GABRG3: variants seen among roughly 807,000 people sequenced by gnomAD.
GABRG3 encodes gamma-aminobutyric acid receptor subunit gamma-3.
Under a neutral mutation model 48.8 loss-of-function variants are expected in GABRG3, and 25 were observed. The ratio of observed to expected loss-of-function variants is 0.51; its 90% CI spans 0.37 to 0.72. The LOEUF is 0.72. GABRG3 is among the 30% of genes least tolerant of loss of function. The pLI is 0.00. For missense variants in GABRG3, 394 were observed against 577.9 expected (o/e 0.68, Z 3.26); for synonymous variants, 227 against 217.6 (o/e 1.04, Z -0.38).
At chr15:27,260,416 C>T (rs912615481) in intron 3 of GABRG3, among the ~76,000 whole-genome samples, 8 of 152,160 alleles carry the variant, frequency 5.3e-5, no homozygotes, top group East Asian at 3.9e-4. Context: ...AGGACTTCAG[C>T]GTATGAATTT....
At chr15:27,258,552 G>T (rs1469426307) in intron 3 of GABRG3, among the ~76,000 whole-genome samples, 1 of 152,074 alleles carries the variant, frequency 6.6e-6, no homozygotes, top group East Asian at 1.9e-4. Flanking sequence ...CCTTTGGCTT[G>T]CTCTGAGACC....
chr15:27,206,705 A>G (rs192988271), intron 3 of GABRG3, among the ~76,000 whole-genome samples: 221 of 152,276 alleles, frequency 1.5e-3, no homozygotes, highest in African/African-American at 5.0e-3. Context: ...ATTAGTCTCT[A>G]CAAACTTGTT....
chr15:27,031,020 A>G (rs1203799423), intron 3 of GABRG3, among the ~76,000 whole-genome samples: 1 of 151,962 alleles, frequency 6.6e-6, no homozygotes, highest in African/African-American at 2.4e-5. Flanking sequence ...AAAATTGAGC[A>G]GAAAGTAGAG....
intron 3 of GABRG3, among the ~76,000 whole-genome samples, chr15:27,073,601 G>A (rs1484956557): frequency 6.6e-6 from 1 of 152,208 alleles, no homozygotes; most frequent in Non-Finnish European, 1.5e-5. Context: ...TTCTTCTACT[G>A]TTTATTTCTG....
chr15:27,381,350 TGATGG>T (rs1895771093), intron 5 of GABRG3, among the ~76,000 whole-genome samples: 1 of 152,230 alleles, frequency 6.6e-6, no homozygotes, highest in African/African-American at 2.4e-5. Context: ...TCTGAAGGCA[TGATGG>T]GATTTTTCTC....
chr15:27,500,725 G>T (rs369110396), intron 6 of GABRG3, among the ~76,000 whole-genome samples: 7 of 152,044 alleles, frequency 4.6e-5, no homozygotes, highest in Non-Finnish European at 7.4e-5. Flanking sequence ...TGTTGTATCA[G>T]TTAAGTGAGT....
intron 3 of GABRG3, among the ~76,000 whole-genome samples, chr15:27,317,363 C>G (rs1238787222): frequency 1.3e-5 from 2 of 152,182 alleles, no homozygotes; most frequent in Non-Finnish European, 2.9e-5. Flanking sequence ...TCAAGCTAAT[C>G]CTGTTTGTTT....
At chr15:27,475,699 T>C (rs1312526342) in intron 5 of GABRG3, among the ~76,000 whole-genome samples, 1 of 151,956 alleles carries the variant, frequency 6.6e-6, no homozygotes, top group African/African-American at 2.4e-5. Flanking sequence ...GTGATGATGA[T>C]GGTGATAGTA....
chr15:27,251,741 A>T (rs1466569478), intron 3 of GABRG3, among the ~76,000 whole-genome samples: 1 of 152,168 alleles, frequency 6.6e-6, no homozygotes, highest in Non-Finnish European at 1.5e-5. Context: ...CACAGTGCAC[A>T]AGTAGAGTTG....
At chr15:27,256,224 G>T (rs1038469277) in intron 3 of GABRG3, among the ~76,000 whole-genome samples, 2 of 151,916 alleles carry the variant, frequency 1.3e-5, no homozygotes, top group Middle Eastern at 3.4e-3. Context: ...GGGCGGATCA[G>T]GAGGTCAGGA....
intron 2 of GABRG3, among the ~76,000 whole-genome samples, chr15:27,007,273 G>T (rs115365849): frequency 6.6e-6 from 1 of 151,910 alleles, no homozygotes; most frequent in Non-Finnish European, 1.5e-5. Context: ...TAGGGAAGGG[G>T]TCTCACCATG....
In GABRG3 at chr15:26,976,862, T is replaced by G. The variant is rs2140634144; in HGVS notation, c.54-140T>G. 1 of 704,542 alleles carries G rather than the reference T, an allele frequency of 1.4e-6. No individual in the cohort carries two copies. Among genetic ancestry groups the G allele is most frequent in the Non-Finnish European group, 2.4e-6 (1 of 416,042 alleles). The allele number at this position is 704,542 out of a possible 1,614,324, so 43.6% of individuals were successfully genotyped here. ...GTTTCTTTCTTTTTAGAAAATATTT[T>G]CGGGTTTTCACGTGTGTGGTTGGGC... On this transcript the variant is annotated intron_variant, in intron 1 of 9. Coordinates refer to ENST00000615808, the MANE Select transcript of GABRG3 (RefSeq NM_033223.5). The surrounding 1 kb of genome is among the most constrained non-coding windows in gnomAD (Gnocchi z 7.8).
At chr15:27,058,209 A>G (rs1330852381) in intron 3 of GABRG3, among the ~76,000 whole-genome samples, 2 of 152,232 alleles carry the variant, frequency 1.3e-5, no homozygotes, top group Non-Finnish European at 2.9e-5. Flanking sequence ...CAGGGACAAA[A>G]TAAGAGAAGC....
intron 3 of GABRG3, among the ~76,000 whole-genome samples, chr15:27,197,213 C>G (rs1026467645): frequency 6.6e-6 from 1 of 152,044 alleles, no homozygotes; most frequent in Admixed American, 6.5e-5. Context: ...ATGGATTTAT[C>G]GGGACATATC....
In GABRG3 at chr15:27,354,390, C is replaced by G. The variant is rs111510948; in HGVS notation, c.574+25502C>G. ...CATTTCTAATCAACAAAAGCAAATCCTTCGCCAACATTCTGACTATGCTTA... is the reference window on the plus strand; with the variant it reads ...CATTTCTAATCAACAAAAGCAAATCGTTCGCCAACATTCTGACTATGCTTA... On this transcript the variant is annotated intron_variant, in intron 5 of 9. Coordinates refer to ENST00000615808, the MANE Select transcript of GABRG3 (RefSeq NM_033223.5). 4.3e-3 allele frequency among the ~76,000 whole-genome samples: 658 copies of G among 152,294 alleles called. 3 individuals carry two copies. The highest frequency in any genetic ancestry group is 0.015 in the African/African-American group (630 of 41,564).
At chr15:27,118,113 A>G (rs1897673530) in intron 3 of GABRG3, among the ~76,000 whole-genome samples, 1 of 152,208 alleles carries the variant, frequency 6.6e-6, no homozygotes, top group Admixed American at 6.5e-5. Context: ...TTTATAGTCT[A>G]TCCATTAAGT....
chr15:27,401,858 A>G (rs952894386), intron 5 of GABRG3, among the ~76,000 whole-genome samples: 3 of 152,150 alleles, frequency 2.0e-5, no homozygotes, highest in African/African-American at 7.2e-5. Flanking sequence ...ATTTTTAAAG[A>G]GGAGAATCAT....
intron 3 of GABRG3, among the ~76,000 whole-genome samples, chr15:27,056,005 T>G (rs567447112): frequency 1.3e-5 from 2 of 152,264 alleles, no homozygotes; most frequent in East Asian, 3.9e-4. Context: ...CAAGGTAATA[T>G]TTTTTAAAAA....
At chr15:27,479,788 C>G (rs1361134416) in intron 5 of GABRG3, among the ~76,000 whole-genome samples, 2 of 152,124 alleles carry the variant, frequency 1.3e-5, no homozygotes, top group African/African-American at 4.8e-5. Flanking sequence ...TAGGGCATGC[C>G]CTGTGAGGCA....
Sources: allele counts gnomAD v4.1 joint callset (sites outside exome capture counted in the v4.1 genomes callset), GRCh38; gene constraint gnomAD v4.1.1; non-coding constraint Gnocchi (gnomAD v3.1); transcripts MANE v1.5; gene names NCBI Gene and HGNC (gene_info 2026-07-23, HGNC 2026-07-21).